Variants in TOM1L2 observed in about 807,000 individuals in gnomAD.
The protein encoded by TOM1L2 is TOM1-like protein 2.
In TOM1L2, 31 loss-of-function variants were observed where a neutral mutation model predicts 67.9. That is an observed-to-expected ratio of 0.46 (90% CI 0.34 to 0.62). The LOEUF is 0.62. Ranked by LOEUF, TOM1L2 falls within the 20% of genes least tolerant of loss-of-function variation. TOM1L2 has a pLI of 0.01. For missense variants in TOM1L2, 606 were observed against 663.5 expected, an observed-to-expected ratio of 0.91 and a Z score of 0.95; for synonymous variants, 256 against 254.0, an observed-to-expected ratio of 1.01 and a Z score of -0.07.
At chr17:17,878,585 G>A (rs1251200706) in intron 7 of TOM1L2, among the ~76,000 whole-genome samples, 1 of 152,242 alleles carries the variant, frequency 6.6e-6, no homozygotes, top group Non-Finnish European at 1.5e-5. Flanking sequence ...CAGGCGGCAA[G>A]CATGTGCCAG....
At chr17:17,857,684 G>T in intron 12 of TOM1L2, 1 of 1,210,206 alleles carries the variant, frequency 8.3e-7, no homozygotes, top group Non-Finnish European at 1.2e-6. Context: ...CAAAGGCTCG[G>T]CAGGTCACAA....
intron 2 of TOM1L2, among the ~76,000 whole-genome samples, chr17:17,901,919 C>T (rs1265029389): frequency 3.9e-5 from 6 of 152,184 alleles, no homozygotes; most frequent in Non-Finnish European, 8.8e-5. Flanking sequence ...TGCTCTGGCT[C>T]ACGCCTGTAA....
chr17:17,968,930 T>C (rs1390949110), intron 1 of TOM1L2, among the ~76,000 whole-genome samples: 1 of 152,148 alleles, frequency 6.6e-6, no homozygotes, highest in Non-Finnish European at 1.5e-5. Context: ...CACCCCAGCC[T>C]CTTCTGAATT....
At position 17,866,543 on chromosome 17, in the gene TOM1L2, G is replaced by C. The variant is rs111882961; in HGVS notation, c.961-124C>G. 1.6e-5 allele frequency: 21 copies of C among 1,286,952 alleles called. No individual in the cohort carries two copies. In the African/African-American group the frequency reaches 2.2e-4, roughly 14 times the overall value. 79.7% of individuals were successfully genotyped at this position (1,286,952 alleles called of 1,614,324 possible). A position where few individuals can be genotyped will look rare whatever the true frequency, so the allele number is the denominator to read the frequency against. On this transcript the variant is annotated intron_variant, in intron 9 of 14. Coordinates refer to ENST00000379504, the MANE Select transcript of TOM1L2 (RefSeq NM_001082968.2). ...GTATCAGCGCTGCTCTAGTACAGAA[G>C]CAAGGCCACTTCCCCCACCTGCCTT...
At chr17:17,859,148 CT>C (rs2036416519) in intron 12 of TOM1L2, 3 of 152,224 alleles carry the variant, frequency 2.0e-5, no homozygotes, top group Non-Finnish European at 2.9e-5. Flanking sequence ...ATGATGTCGG[CT>C]CACTGCAACG....
Position 17,847,579 on chromosome 17 carries a change from T to A in TOM1L2, c.*56A>T. 1 of 1,549,946 alleles carries A rather than the reference T, an allele frequency of 6.5e-7. No homozygotes were observed. The highest frequency in any genetic ancestry group is 8.7e-7 in the Non-Finnish European group (1 of 1,151,354). On this transcript the variant is annotated 3_prime_UTR_variant, in exon 15 of 15. Coordinates refer to ENST00000379504, the MANE Select transcript of TOM1L2 (RefSeq NM_001082968.2). Reference sequence around the variant, plus strand: ...GGATGTAGGAGTGGCCAGTGCCCGGTGTCCACGGGGTGCGAGCGGGGACCC... The same window carrying A: ...GGATGTAGGAGTGGCCAGTGCCCGGAGTCCACGGGGTGCGAGCGGGGACCC...
At chr17:17,897,431 T>C (rs893095962) in intron 3 of TOM1L2, among the ~76,000 whole-genome samples, 12 of 152,226 alleles carry the variant, frequency 7.9e-5, no homozygotes, top group African/African-American at 2.7e-4. Flanking sequence ...GGAAACATGG[T>C]TGTTTTGGAT....
intron 1 of TOM1L2, among the ~76,000 whole-genome samples, chr17:17,948,534 C>G (rs2041050039): frequency 6.6e-6 from 1 of 152,176 alleles, no homozygotes; most frequent in Non-Finnish European, 1.5e-5. Flanking sequence ...CGTCTGTAAT[C>G]CCAGCTACTC....
At chr17:17,968,432 C>G (rs1383454515) in intron 1 of TOM1L2, among the ~76,000 whole-genome samples, 1 of 152,124 alleles carries the variant, frequency 6.6e-6, no homozygotes. Flanking sequence ...TTTGGGAGGC[C>G]AAGGAGGGTG....
intron 2 of TOM1L2, among the ~76,000 whole-genome samples, chr17:17,903,144 C>T (rs916446045): frequency 3.3e-5 from 5 of 152,158 alleles, no homozygotes; most frequent in African/African-American, 9.7e-5. Context: ...CACTAGTCTC[C>T]GTAGCTATAT....
intron 7 of TOM1L2, among the ~76,000 whole-genome samples, chr17:17,872,863 G>C (rs561060101): frequency 1.5e-4 from 23 of 152,324 alleles, no homozygotes; most frequent in Admixed American, 8.5e-4. Context: ...GCTGGGGAGG[G>C]AGAAGGAAAA....
chr17:17,882,783 C>A lies in TOM1L2; in HGVS notation c.582G>T (p.Ser194=). The A allele has an allele frequency of 6.2e-7, 1 of 1,614,170 alleles. No individual in the cohort carries two copies. The highest frequency in any genetic ancestry group is 1.7e-5 in the Admixed American group (1 of 60,024). The change falls in exon 6 of 15, where the codon TCG becomes TCT. Residue 194 remains serine, a synonymous_variant. Coordinates refer to ENST00000379504, the MANE Select transcript of TOM1L2 (RefSeq NM_001082968.2). Reference sequence around the variant, plus strand: ...GTGCGGAGTAGGGAGCAGGAGGCGGCGAGGAATAGGAACCAGCACTTGTCC... The same window carrying A: ...GTGCGGAGTAGGGAGCAGGAGGCGGAGAGGAATAGGAACCAGCACTTGTCC... ...QQRTSAGSYS[S]PPPAPYSAPQ...
Position 17,913,329 on chromosome 17 carries a change from C to A in TOM1L2, c.53-5798G>T, listed in dbSNP as rs2039489097. Reference sequence around the variant, plus strand: ...CATGCTGAGCTGCAAGGGGAATGGACAGAACTGGAAACTGGGGCAGACTGG... The same window carrying A: ...CATGCTGAGCTGCAAGGGGAATGGAAAGAACTGGAAACTGGGGCAGACTGG... On this transcript the variant is annotated intron_variant, in intron 1 of 14. Coordinates refer to ENST00000379504, the MANE Select transcript of TOM1L2 (RefSeq NM_001082968.2). Among the ~76,000 whole-genome samples, 4 of 150,376 alleles carry A rather than the reference C, an allele frequency of 2.7e-5. 1 individual carries two copies. In the South Asian group the frequency reaches 8.5e-4, roughly 32 times the overall value.
At chr17:17,903,990 G>GATTATT (rs58881326) in intron 2 of TOM1L2, among the ~76,000 whole-genome samples, 4,672 of 151,446 alleles carry the variant, frequency 0.031, 215 homozygotes, top group African/African-American at 0.098. Flanking sequence ...CTCAGGAAGA[G>GATTATT]ATTATTATTA....
chr17:17,942,946 A>G (rs2040796151), intron 1 of TOM1L2, among the ~76,000 whole-genome samples: 3 of 152,182 alleles, frequency 2.0e-5, no homozygotes, highest in African/African-American at 7.2e-5. Context: ...AGAGCCCTTT[A>G]TCTATTTCAG....
At chr17:17,936,118 T>C (rs2040505366) in intron 1 of TOM1L2, among the ~76,000 whole-genome samples, 1 of 152,240 alleles carries the variant, frequency 6.6e-6, no homozygotes, top group Admixed American at 6.5e-5. Context: ...CCTGTCTTCC[T>C]CTGCAGCCCA....
At chr17:17,885,533 C>T (rs2037950321) in intron 4 of TOM1L2, among the ~76,000 whole-genome samples, 1 of 152,304 alleles carries the variant, frequency 6.6e-6, no homozygotes. Flanking sequence ...AAAGCACAAT[C>T]ACCAGATTCC....
intron 1 of TOM1L2, among the ~76,000 whole-genome samples, chr17:17,943,892 G>C (rs1040616819): frequency 6.6e-6 from 1 of 152,128 alleles, no homozygotes; most frequent in Non-Finnish European, 1.5e-5. Context: ...AAACATACAG[G>C]CCCCTTTTCT....
intron 1 of TOM1L2, among the ~76,000 whole-genome samples, chr17:17,914,131 G>GA (rs1452978258): frequency 6.6e-6 from 1 of 152,230 alleles, no homozygotes; most frequent in Non-Finnish European, 1.5e-5. Flanking sequence ...CCCAGGTGGT[G>GA]AGTCATTCCC....
Sources: gnomAD v4.1 joint callset for allele counts (sites outside exome capture counted in the v4.1 genomes callset) on GRCh38, gnomAD v4.1.1 for gene constraint, MANE v1.5 for transcripts, NCBI Gene and HGNC (gene_info 2026-07-23, HGNC 2026-07-21) for gene names.